CSMD1: variants seen among roughly 807,000 people sequenced by gnomAD.
CSMD1 encodes the protein CUB and sushi domain-containing protein 1.
Under a neutral mutation model 417.5 loss-of-function variants are expected in CSMD1, and 213 were observed. The observed-to-expected ratio is 0.51, with a 90% CI of 0.46 to 0.57. The LOEUF (loss-of-function observed/expected upper bound fraction) is 0.57. Ranked by LOEUF, CSMD1 falls within the 20% of genes least tolerant of loss-of-function variation. The probability of loss-of-function intolerance (pLI) is 0.00; values close to 1 mark genes in which losing one functional copy is unlikely to be tolerated. For synonymous variants in CSMD1, 2,862 were observed against 1,736.8 expected (o/e 1.65, Z -16.11); for missense variants, 6,923 against 4,529.7 (o/e 1.53, Z -15.17).
intron 3 of CSMD1, among the ~76,000 whole-genome samples, chr8:4,350,861 C>G (rs1267896122): frequency 6.6e-6 from 1 of 152,184 alleles, no homozygotes; most frequent in Admixed American, 6.5e-5. Flanking sequence ...GCCAGTGGCT[C>G]TAGTTCCGGT....
intron 1 of CSMD1, among the ~76,000 whole-genome samples, chr8:4,723,358 G>C (rs921973828): frequency 6.6e-6 from 1 of 152,080 alleles, no homozygotes; most frequent in African/African-American, 2.4e-5. Flanking sequence ...CAAGGACCGA[G>C]GTTCGCTCAA....
chr8:3,550,142 G>A (rs570938392), intron 10 of CSMD1, among the ~76,000 whole-genome samples: 3 of 152,096 alleles, frequency 2.0e-5, no homozygotes, highest in African/African-American at 4.8e-5. Context: ...CATGCACGTG[G>A]CCTCAAAATC....
chr8:3,309,114 CCCTCTAGGA>C (rs150506464), intron 23 of CSMD1, among the ~76,000 whole-genome samples: 2,840 of 152,140 alleles, frequency 0.019, 87 homozygotes, highest in African/African-American at 0.064. Context: ...AGCCCCAATG[CCCTCTAGGA>C]CCTCTAGGAA....
chr8:3,224,395 T>G (rs1798380864), intron 27 of CSMD1, among the ~76,000 whole-genome samples: 1 of 152,138 alleles, frequency 6.6e-6, no homozygotes, highest in African/African-American at 2.4e-5. Context: ...GTCTAGGCGG[T>G]TTCTGGATCT....
At chr8:4,858,576 G>A (rs1175299178) in intron 1 of CSMD1, among the ~76,000 whole-genome samples, 1 of 152,168 alleles carries the variant, frequency 6.6e-6, no homozygotes, top group Non-Finnish European at 1.5e-5. Flanking sequence ...GTCTCAGGAT[G>A]CAAAATCAAT....
chr8:3,674,371 C>G (rs1799257776), intron 7 of CSMD1, among the ~76,000 whole-genome samples: 1 of 152,136 alleles, frequency 6.6e-6, no homozygotes, highest in East Asian at 1.9e-4. Flanking sequence ...TCATCACGAG[C>G]TAAGTAGAAG....
Position 3,778,874 on chromosome 8 carries a change from A to G in CSMD1, c.819-24832T>C, listed in dbSNP as rs112444674. 4.5e-3 allele frequency among the ~76,000 whole-genome samples: 683 copies of G among 152,304 alleles called. 4 individuals carry two copies. The highest frequency in any genetic ancestry group is 0.015 in the African/African-American group (641 of 41,558). On this transcript the variant is annotated intron_variant, in intron 5 of 69. Coordinates refer to ENST00000635120, the MANE Select transcript of CSMD1 (RefSeq NM_033225.6). The stretch of plus-strand genomic sequence containing the variant: ...TCAGTTGAGAAAACATGCTGCTTGC[A>G]GGCATTTGGACAAAAAGTAGGACAG...
At chr8:3,241,264 T>A (rs575932100) in intron 26 of CSMD1, among the ~76,000 whole-genome samples, 1 of 150,000 alleles carries the variant, frequency 6.7e-6, no homozygotes, top group Non-Finnish European at 1.5e-5. Flanking sequence ...GCACCAGAGT[T>A]GGGGAGTTTT....
At chr8:4,285,379 G>C (rs1001268821) in intron 3 of CSMD1, among the ~76,000 whole-genome samples, 5 of 152,126 alleles carry the variant, frequency 3.3e-5, no homozygotes, top group African/African-American at 4.8e-5. Context: ...CTATTCTAGA[G>C]GGAAATGAAT....
intron 54 of CSMD1, among the ~76,000 whole-genome samples, chr8:2,992,180 AAC>A (rs1368685269): frequency 2.6e-5 from 4 of 151,858 alleles, no homozygotes; most frequent in South Asian, 4.2e-4. Flanking sequence ...CACACACATG[AAC>A]ACACACATGC....
chr8:4,005,902 G>T (rs1816072977), intron 4 of CSMD1, among the ~76,000 whole-genome samples: 1 of 152,140 alleles, frequency 6.6e-6, no homozygotes, highest in Non-Finnish European at 1.5e-5. Context: ...ACTGGGAATT[G>T]GCTTAGAAGT....
intron 4 of CSMD1, among the ~76,000 whole-genome samples, chr8:4,017,957 A>G (rs144325285): frequency 1.3e-5 from 2 of 152,298 alleles, no homozygotes; most frequent in African/African-American, 4.8e-5. Flanking sequence ...GGGCAACTAT[A>G]GCGGCATGCA....
intron 3 of CSMD1, among the ~76,000 whole-genome samples, chr8:4,163,974 G>A (rs1375004963): frequency 6.6e-6 from 1 of 152,162 alleles, no homozygotes. Context: ...TTAGGGTGGT[G>A]ATGTGGGATT....
chr8:3,300,526 G>A (rs1197946505), intron 25 of CSMD1, among the ~76,000 whole-genome samples: 2 of 152,066 alleles, frequency 1.3e-5, no homozygotes, highest in African/African-American at 4.8e-5. Context: ...AGAAAGACTT[G>A]TACTAAGACA....
intron 8 of CSMD1, among the ~76,000 whole-genome samples, chr8:3,611,575 C>T (rs1801896226): frequency 6.6e-6 from 1 of 152,040 alleles, no homozygotes; most frequent in African/African-American, 2.4e-5. Flanking sequence ...TTCTAATTTT[C>T]ATTAGTAATA....
intron 7 of CSMD1, among the ~76,000 whole-genome samples, chr8:3,618,805 T>G (rs13277307): frequency 0.19 from 28,284 of 152,210 alleles, 3,073 homozygotes; most frequent in Non-Finnish European, 0.24. Context: ...CTCCCTTGTT[T>G]CATACCATGA....
intron 3 of CSMD1, among the ~76,000 whole-genome samples, chr8:4,380,623 G>C (rs1803039829): frequency 6.6e-6 from 1 of 152,140 alleles, no homozygotes; most frequent in Admixed American, 6.5e-5. Context: ...ATGCGGTACG[G>C]ACTGTAGTCA....
intron 5 of CSMD1, among the ~76,000 whole-genome samples, chr8:3,927,564 C>T (rs780626289): frequency 6.7e-6 from 1 of 149,574 alleles, no homozygotes; most frequent in African/African-American, 2.4e-5. Flanking sequence ...ACTAGAGAGG[C>T]TGAGGCAGGA....
chr8:4,184,824 G>A (rs143910814), intron 3 of CSMD1, among the ~76,000 whole-genome samples: 13 of 151,956 alleles, frequency 8.6e-5, no homozygotes, highest in Non-Finnish European at 4.4e-5. Context: ...ACATGCACAT[G>A]TACCCCTGAA....
Sources: gnomAD v4.1 joint callset for allele counts (sites outside exome capture counted in the v4.1 genomes callset) on GRCh38, gnomAD v4.1.1 for gene constraint, MANE v1.5 for transcripts, NCBI Gene and HGNC (gene_info 2026-07-23, HGNC 2026-07-21) for gene names.